The following ZNF521 variants were observed in gnomAD, a reference collection of about 807,000 sequenced individuals.
ZNF521 encodes the protein LYST-interacting protein 3.
In ZNF521, 14 loss-of-function variants were observed where a neutral mutation model predicts 105.5. That is an observed-to-expected ratio of 0.13 (90% CI 0.09 to 0.21). ZNF521 has a LOEUF of 0.21. Ranked by LOEUF, ZNF521 falls within the 10% of genes least tolerant of loss-of-function variation. The probability of loss-of-function intolerance (pLI) is 1.00; values close to 1 mark genes in which losing one functional copy is unlikely to be tolerated. For synonymous variants in ZNF521, 635 were observed against 606.0 expected (o/e 1.05, Z -0.70); for missense variants, 1,233 against 1,629.7 (o/e 0.76, Z 4.19).
At chr18:25,249,167 A>C (rs1160608615) in intron 3 of ZNF521, among the ~76,000 whole-genome samples, 4 of 150,278 alleles carry the variant, frequency 2.7e-5, no homozygotes, top group African/African-American at 9.8e-5. Flanking sequence ...TTTTTGATAC[A>C]GAGTCTCGCT....
rs77059098 is a variant in ZNF521 at position 25,141,461 on chromosome 18, A to G, written c.3659-49380T>C. 2.1e-3 allele frequency among the ~76,000 whole-genome samples: 327 copies of G among 152,326 alleles called. 2 individuals are homozygous for G. The highest frequency in any genetic ancestry group is 7.5e-3 in the African/African-American group (310 of 41,588). ...CATCCCCTGGGGGCCGTTCTTCCTT[A>G]GAGCACAGAAAATGGAAATTTGGTT... On this transcript the variant is annotated intron_variant, in intron 5 of 7. Transcript: ENST00000361524.
intron 2 of ZNF521, among the ~76,000 whole-genome samples, chr18:25,333,299 ACT>A (rs150034581): frequency 0.12 from 16,974 of 142,816 alleles, 1,153 homozygotes; most frequent in Non-Finnish European, 0.17. Flanking sequence ...ATAAGGACAC[ACT>A]CTCTCTCTCT....
chr18:25,296,081 C>T (rs547939293), intron 3 of ZNF521, among the ~76,000 whole-genome samples: 39 of 152,222 alleles, frequency 2.6e-4, no homozygotes, highest in Middle Eastern at 3.4e-3. Context: ...GAAGGTATGC[C>T]CTTCTATTCA....
At position 25,328,474 on chromosome 18, in the gene ZNF521, A is replaced by G. The variant is rs577776179; in HGVS notation, c.41-6287T>C. 1.2e-4 allele frequency among the ~76,000 whole-genome samples: 18 copies of G among 151,348 alleles called. No individual in the cohort carries two copies. In the South Asian group the frequency reaches 3.5e-3, roughly 30 times the overall value. On this transcript the variant is annotated intron_variant, in intron 2 of 7. Coordinates refer to ENST00000361524, the MANE Select transcript of ZNF521 (RefSeq NM_015461.3). ...GCATTCACTTTCACACTTTGCAACA[A>G]AAGTTTCTTCTCTTCCAATCAGAAA...
chr18:25,119,527 T>A (rs4493142), intron 5 of ZNF521, among the ~76,000 whole-genome samples: 3 of 151,950 alleles, frequency 2.0e-5, no homozygotes, highest in Non-Finnish European at 2.9e-5. Flanking sequence ...TCTAGGAAAA[T>A]CTCAAATATT....
At chr18:25,112,714 G>A (rs1010360643) in intron 5 of ZNF521, among the ~76,000 whole-genome samples, 2 of 152,122 alleles carry the variant, frequency 1.3e-5, no homozygotes, top group African/African-American at 2.4e-5. Context: ...ACAACCACAA[G>A]CACATATTTT....
intron 2 of ZNF521, among the ~76,000 whole-genome samples, chr18:25,325,339 T>C (rs779456117): frequency 3.3e-5 from 5 of 152,154 alleles, no homozygotes; most frequent in Non-Finnish European, 7.4e-5. Context: ...CACATGGACT[T>C]AGTGATGTAG....
At chr18:25,218,130 A>T (rs539935016) in intron 4 of ZNF521, among the ~76,000 whole-genome samples, 2 of 152,330 alleles carry the variant, frequency 1.3e-5, no homozygotes, top group South Asian at 4.1e-4. Flanking sequence ...AAGGATTATT[A>T]TATCATCCTA....
chr18:25,067,816 C>T (rs28671120), intron 7 of ZNF521, among the ~76,000 whole-genome samples: 23,393 of 152,084 alleles, frequency 0.15, 1,902 homozygotes, highest in Middle Eastern at 0.18. Flanking sequence ...TGGCAGAGAC[C>T]GTGTCTCGTC....
At position 25,287,796 on chromosome 18, in the gene ZNF521, A is replaced by C. The variant is rs182963540; in HGVS notation, c.220+34212T>G. Among the ~76,000 whole-genome samples, 4 of 152,330 alleles carry C rather than the reference A, an allele frequency of 2.6e-5. No individual in the cohort carries two copies. The East Asian group carries it at 7.7e-4, about 29-fold the overall frequency. On this transcript the variant is annotated intron_variant, in intron 3 of 7. Coordinates refer to ENST00000361524, the MANE Select transcript of ZNF521 (RefSeq NM_015461.3). The stretch of plus-strand genomic sequence containing the variant: ...ACTAGTCATCCTCCTCAGAAAGAGC[A>C]TTAAATTGAAGCCAGTTTCCTCTCA...
intron 2 of ZNF521, among the ~76,000 whole-genome samples, chr18:25,326,369 G>C (rs890669573): frequency 1.4e-4 from 22 of 152,106 alleles, no homozygotes; most frequent in African/African-American, 5.1e-4. Flanking sequence ...ACTGGCAAAA[G>C]AAAGAAAAAC....
chr18:25,350,089 G>A (rs1188314099), intron 2 of ZNF521, among the ~76,000 whole-genome samples: 1 of 151,994 alleles, frequency 6.6e-6, no homozygotes, highest in Non-Finnish European at 1.5e-5. Flanking sequence ...TTCCAACACA[G>A]CCATCAGATC....
intron 4 of ZNF521, among the ~76,000 whole-genome samples, chr18:25,209,540 T>C (rs975882424): frequency 1.2e-4 from 19 of 152,206 alleles, no homozygotes; most frequent in Admixed American, 1.2e-3. Flanking sequence ...CAGGGCATCG[T>C]CGGTGGATTT....
chr18:25,177,335 G>A (rs2035552017), intron 5 of ZNF521, among the ~76,000 whole-genome samples: 1 of 152,050 alleles, frequency 6.6e-6, no homozygotes. Flanking sequence ...AGGAAGGTGT[G>A]GGAGGCAGGA....
chr18:25,100,778 G>A (rs1006694125), intron 5 of ZNF521, among the ~76,000 whole-genome samples: 5 of 151,944 alleles, frequency 3.3e-5, no homozygotes, highest in East Asian at 1.9e-4. Flanking sequence ...CTAATCAAAC[G>A]ATGCCACCCC....
intron 5 of ZNF521, among the ~76,000 whole-genome samples, chr18:25,142,894 G>A (rs192994960): frequency 3.9e-5 from 6 of 152,164 alleles, no homozygotes; most frequent in Admixed American, 2.0e-4. Context: ...CCTTTGGTTC[G>A]GGTTTTAAAA....
At chr18:25,296,644 CT>C (rs1911333245) in intron 3 of ZNF521, among the ~76,000 whole-genome samples, 1 of 152,128 alleles carries the variant, frequency 6.6e-6, no homozygotes, top group African/African-American at 2.4e-5. Flanking sequence ...ACACATCTAA[CT>C]TTCTTTCTGG....
rs10540123 is a variant in ZNF521 at position 25,062,752 on chromosome 18, CAAAAAAAAAAAAA to C, written c.3907-24_3907-12del. 15,551 of 359,812 alleles carry C rather than the reference CAAAAAAAAAAAAA, an allele frequency of 0.043. 96 individuals are homozygous for C. The highest frequency in any genetic ancestry group is 0.085 in the Middle Eastern group (110 of 1,290). The allele number at this position is 359,812 out of a possible 1,614,324, so 22.3% of individuals were successfully genotyped here. A position where few individuals can be genotyped will look rare whatever the true frequency, so the allele number is the denominator to read the frequency against. On this transcript the variant is annotated splice_polypyrimidine_tract_variant and intron_variant, in intron 7 of 7. Transcript: ENST00000361524. ...GGTCATTGTATGATTCTGTAAATAACAAAAAAAAAAAAAAAAAAAAAAAAAAAAAAAAAGAGAA... is the reference window on the plus strand; with the variant it reads ...GGTCATTGTATGATTCTGTAAATAACAAAAAAAAAAAAAAAAAAAAGAGAA...
At chr18:25,275,560 C>T (rs1909975486) in intron 3 of ZNF521, among the ~76,000 whole-genome samples, 1 of 152,230 alleles carries the variant, frequency 6.6e-6, no homozygotes. Context: ...GCAAGAAACA[C>T]ATCATACTTT....
Sources: gnomAD v4.1 joint callset for allele counts (sites outside exome capture counted in the v4.1 genomes callset) on GRCh38, gnomAD v4.1.1 for gene constraint, MANE v1.5 for transcripts, NCBI Gene and HGNC (gene_info 2026-07-23, HGNC 2026-07-21) for gene names.